The following KIF13B variants were observed in gnomAD, a reference collection of about 807,000 sequenced individuals.
KIF13B encodes kinesin family member 13B.
In KIF13B, 127 loss-of-function variants were observed where a neutral mutation model predicts 222.0. The observed-to-expected ratio is 0.57, with a 90% confidence interval of 0.50 to 0.66. The LOEUF is 0.66. Ranked by LOEUF, KIF13B falls within the 30% of genes least tolerant of loss-of-function variation. KIF13B has a pLI of 0.00. For missense variants in KIF13B, 2,173 were observed against 2,379.0 expected, an observed-to-expected ratio of 0.91 and a Z score of 1.80; for synonymous variants, 976 against 919.0, an observed-to-expected ratio of 1.06 and a Z score of -1.12.
At chr8:29,112,431 C>CAAAAA (rs34908319) in intron 32 of KIF13B, among the ~76,000 whole-genome samples, 3 of 78,282 alleles carry the variant, frequency 3.8e-5, no homozygotes, top group African/African-American at 1.0e-4. Context: ...GACTCAGTCT[C>CAAAAA]AAAAAAAAAA....
chr8:29,189,541 G>T (rs937325424), intron 4 of KIF13B: 1 of 152,166 alleles, frequency 6.6e-6, no homozygotes, highest in Non-Finnish European at 1.5e-5. Context: ...TCATTTAGAA[G>T]AATAATAGAG....
chr8:29,074,437 T>A (rs1205637961), intron 38 of KIF13B, among the ~76,000 whole-genome samples: 1 of 152,248 alleles, frequency 6.6e-6, no homozygotes, highest in Non-Finnish European at 1.5e-5. Flanking sequence ...GAAACCCAGA[T>A]GCCATCTATG....
At chr8:29,175,610 T>C (rs554714268) in intron 10 of KIF13B, among the ~76,000 whole-genome samples, 3 of 152,334 alleles carry the variant, frequency 2.0e-5, no homozygotes, top group Non-Finnish European at 4.4e-5. Context: ...ATTAAAGGCA[T>C]CATGAGTAAA....
intron 22 of KIF13B, among the ~76,000 whole-genome samples, chr8:29,133,837 T>C (rs964906006): frequency 2.6e-5 from 4 of 152,208 alleles, no homozygotes; most frequent in Non-Finnish European, 4.4e-5. Flanking sequence ...TACATACATA[T>C]GTGTTTTGTT....
chr8:29,109,302 G>T, intron 34 of KIF13B, 132 bp downstream of exon 34: 2 of 706,434 alleles, frequency 2.8e-6, no homozygotes. Context: ...TGGAGACCAG[G>T]GGCCCTGACA....
chr8:29,156,948 T>C (rs1811560279), intron 13 of KIF13B, among the ~76,000 whole-genome samples: 1 of 152,190 alleles, frequency 6.6e-6, no homozygotes, highest in Middle Eastern at 3.4e-3. Flanking sequence ...CAGAAGTCTA[T>C]TTCCTTCTCC....
chr8:29,235,352 T>C (rs1047770195), intron 2 of KIF13B, among the ~76,000 whole-genome samples: 6 of 152,186 alleles, frequency 3.9e-5, no homozygotes, highest in African/African-American at 1.2e-4. Context: ...AGGACAGCCA[T>C]TGCTAGAATA....
intron 2 of KIF13B, among the ~76,000 whole-genome samples, chr8:29,217,843 A>G (rs1195713751): frequency 6.6e-6 from 1 of 152,158 alleles, no homozygotes; most frequent in Non-Finnish European, 1.5e-5. Context: ...GGTTTTTTCC[A>G]GTGTGGGGGG....
intron 35 of KIF13B, among the ~76,000 whole-genome samples, chr8:29,099,565 C>T (rs568116283): frequency 6.6e-5 from 10 of 152,200 alleles, no homozygotes; most frequent in South Asian, 6.2e-4. Flanking sequence ...TTTGTAGAGA[C>T]GGGATGTCAC....
intron 2 of KIF13B, among the ~76,000 whole-genome samples, chr8:29,215,379 C>T (rs961280267): frequency 2.6e-5 from 4 of 152,104 alleles, no homozygotes; most frequent in Non-Finnish European, 5.9e-5. Context: ...CAGGATCGAT[C>T]GAACCAACTC....
intron 2 of KIF13B, among the ~76,000 whole-genome samples, chr8:29,199,208 C>G (rs1383134338): frequency 1.3e-5 from 2 of 151,934 alleles, no homozygotes; most frequent in East Asian, 3.9e-4. Context: ...TCATCAATTG[C>G]AGGTGGCTTT....
Position 29,088,611 on chromosome 8 carries a change from T to TGCATGGA in KIF13B, c.4458+4127_4458+4133dup, listed in dbSNP as rs1444427109. On this transcript the variant is annotated intron_variant, in intron 37 of 39. Transcript: ENST00000524189. The stretch of plus-strand genomic sequence containing the variant: ...GAAAATCACAAATCTGATTTTCAAG[T>TGCATGGA]GCATGGAACTCCATTATAACAAAGA... Among the ~76,000 whole-genome samples, 5 of 152,284 alleles carry TGCATGGA rather than the reference T, an allele frequency of 3.3e-5. No homozygotes were observed. In the East Asian group the frequency reaches 9.6e-4, roughly 29 times the overall value.
intron 18 of KIF13B, among the ~76,000 whole-genome samples, chr8:29,142,598 G>A (rs556225426): frequency 1.3e-5 from 2 of 152,234 alleles, no homozygotes; most frequent in African/African-American, 2.4e-5. Context: ...CCAGCACTTT[G>A]GGAGGCCAAG....
intron 14 of KIF13B, among the ~76,000 whole-genome samples, chr8:29,151,049 A>G (rs1811276189): frequency 6.6e-6 from 1 of 152,200 alleles, no homozygotes; most frequent in African/African-American, 2.4e-5. Flanking sequence ...TGCACATGAA[A>G]AGCTCTTGAA....
intron 26 of KIF13B, among the ~76,000 whole-genome samples, chr8:29,126,044 G>A (rs775493082): frequency 1.3e-5 from 2 of 151,778 alleles, no homozygotes; most frequent in Admixed American, 6.6e-5. Context: ...CCGAGATGGC[G>A]CTATTGCACT....
intron 2 of KIF13B, among the ~76,000 whole-genome samples, chr8:29,243,994 T>C (rs1035988144): frequency 1.3e-5 from 2 of 152,172 alleles, no homozygotes; most frequent in African/African-American, 2.4e-5. Context: ...ATTTCAGATT[T>C]TCTCCAAATC....
Position 29,070,866 on chromosome 8 carries a change from C to A in KIF13B, c.5219-100G>T. 1.5e-6 allele frequency: 2 copies of A among 1,292,078 alleles called. No individual in the cohort carries two copies. The highest frequency in any genetic ancestry group is 1.3e-5 in the South Asian group (1 of 75,840). 80.0% of individuals were successfully genotyped at this position (1,292,078 alleles called of 1,614,324 possible). ...AGAGGCCATGTGCCCACACTGCCAC[C>A]CCCCCGCACAGGCCCTACACAGCCA... On this transcript the variant is annotated intron_variant, in intron 39 of 39. Transcript: ENST00000524189. This position sits in a 1 kb window ranked among gnomAD's most constrained non-coding sequence, Gnocchi z 4.1.
chr8:29,260,724 C>G (rs1014503266), intron 1 of KIF13B, among the ~76,000 whole-genome samples: 2 of 151,832 alleles, frequency 1.3e-5, no homozygotes, highest in Admixed American at 1.3e-4. Flanking sequence ...TCAGGCTATT[C>G]TCCCGCCTCA....
chr8:29,088,043 G>A (rs1316369726), intron 37 of KIF13B, among the ~76,000 whole-genome samples: 5 of 152,070 alleles, frequency 3.3e-5, no homozygotes, highest in South Asian at 2.1e-4. Context: ...TGACGCAGGC[G>A]GATCACGACA....
Sources: gnomAD v4.1 joint callset for allele counts (sites outside exome capture counted in the v4.1 genomes callset) on GRCh38, gnomAD v4.1.1 for gene constraint, Gnocchi (gnomAD v3.1) non-coding constraint, MANE v1.5 for transcripts, NCBI Gene and HGNC (gene_info 2026-07-23, HGNC 2026-07-21) for gene names.